Variants in SNX29 observed in about 807,000 individuals in gnomAD.
SNX29 encodes sorting nexin-29.
In SNX29, 78 loss-of-function variants were observed where a neutral mutation model predicts 102.1. The observed-to-expected ratio is 0.76, with a 90% CI of 0.64 to 0.92. The LOEUF is 0.92. Among genes scored for constraint, SNX29 ranks in the 40% least tolerant of loss-of-function variants. The pLI, the probability that SNX29 is intolerant of heterozygous loss-of-function variation, is 0.00. For synonymous variants in SNX29, 580 were observed against 414.5 expected, an observed-to-expected ratio of 1.40 and a Z score of -4.85; for missense variants, 1,280 against 1,061.7, an observed-to-expected ratio of 1.21 and a Z score of -2.86.
intron 20 of SNX29, among the ~76,000 whole-genome samples, chr16:12,533,958 C>G (rs956389325): frequency 6.6e-6 from 1 of 152,246 alleles, no homozygotes; most frequent in African/African-American, 2.4e-5. Flanking sequence ...CCTTTGTTTG[C>G]TTAAAACATC....
intron 13 of SNX29, among the ~76,000 whole-genome samples, chr16:12,159,560 A>T (rs2055695469): frequency 6.6e-6 from 1 of 152,142 alleles, no homozygotes; most frequent in Non-Finnish European, 1.5e-5. Context: ...CAAGTAGGAG[A>T]ATAGAAATCC....
intron 18 of SNX29, among the ~76,000 whole-genome samples, chr16:12,476,112 G>C (rs1367607128): frequency 6.6e-6 from 1 of 151,692 alleles, no homozygotes; most frequent in Non-Finnish European, 1.5e-5. Flanking sequence ...TCTGAGGCCA[G>C]GAGTTCAAGA....
rs781606426 is a variant in SNX29, at chr16:12,570,767, CATG to C, written c.*2141_*2143del. On this transcript the variant is annotated 3_prime_UTR_variant, in exon 21 of 21. Transcript: ENST00000566228. ...GAGGAAGCACCTTGGACATTCTGCA[CATG>C]ATAATAATGCAACAGTCCCCCATTG... is the stretch of plus-strand genomic sequence containing the variant. The C allele has an allele frequency of 6.5e-5, 12 of 184,570 alleles. No homozygotes were observed. Among genetic ancestry groups the C allele is most frequent in the African/African-American group, 2.5e-4 (7 of 27,788 alleles). 11.4% of individuals were successfully genotyped at this position (184,570 alleles called of 1,614,324 possible).
At chr16:12,257,943 A>G (rs1025519161) in intron 14 of SNX29, among the ~76,000 whole-genome samples, 4 of 152,110 alleles carry the variant, frequency 2.6e-5, no homozygotes, top group African/African-American at 9.7e-5. Context: ...GCCAGTTCCA[A>G]AATATACCCT....
chr16:12,506,227 C>G (rs886315525), intron 19 of SNX29, among the ~76,000 whole-genome samples: 1 of 152,192 alleles, frequency 6.6e-6, no homozygotes, highest in East Asian at 1.9e-4. Flanking sequence ...TCCCAAAGTG[C>G]TGGGATTACA....
chr16:12,311,539 C>T (rs1391525133), intron 15 of SNX29, among the ~76,000 whole-genome samples: 1 of 152,246 alleles, frequency 6.6e-6, no homozygotes, highest in African/African-American at 2.4e-5. Flanking sequence ...GCTTGCAGCT[C>T]CCTCTGCCTG....
At chr16:12,434,872 C>G (rs368854921) in intron 18 of SNX29, among the ~76,000 whole-genome samples, 3 of 150,360 alleles carry the variant, frequency 2.0e-5, no homozygotes, top group Admixed American at 6.7e-5. Context: ...TTGTAACAGA[C>G]GTTACAGACG....
chr16:12,423,463 C>CAA (rs1285691964), intron 18 of SNX29, among the ~76,000 whole-genome samples: 2 of 152,178 alleles, frequency 1.3e-5, no homozygotes, highest in East Asian at 3.9e-4. Context: ...GGGGCTCAGG[C>CAA]AAACCCTACG....
At chr16:12,104,339 T>C (rs1286456650) in intron 11 of SNX29, among the ~76,000 whole-genome samples, 1 of 152,170 alleles carries the variant, frequency 6.6e-6, no homozygotes, top group African/African-American at 2.4e-5. Context: ...GCAGATCACC[T>C]GAGGTCAGGA....
intron 3 of SNX29, among the ~76,000 whole-genome samples, chr16:12,021,526 T>C (rs2057020118): frequency 6.6e-6 from 1 of 152,180 alleles, no homozygotes; most frequent in South Asian, 2.1e-4. Flanking sequence ...GTTTTAATGA[T>C]TGCCATGCAA....
chr16:12,524,779 G>A lies in SNX29; in HGVS notation c.2256G>A (p.Met752Ile). The change falls in exon 20 of 21, where the codon ATG (methionine) becomes ATA (isoleucine). Residue 752 changes from methionine to isoleucine, a missense_variant. Coordinates refer to ENST00000566228, the MANE Select transcript of SNX29 (RefSeq NM_032167.5). The part of the protein sequence containing the change: ...LRSVMNKVIQ[M>I]VPEFAASPKK... ...GCGTCATGAACAAAGTCATCCAGAT[G>A]GTCCCCGAGTTCGCTGCCAGCCCCA... 1 of 1,613,784 alleles carries A rather than the reference G, an allele frequency of 6.2e-7. No individual in the cohort carries two copies. The highest frequency in any genetic ancestry group is 8.5e-7 in the Non-Finnish European group (1 of 1,179,852).
intron 16 of SNX29, among the ~76,000 whole-genome samples, chr16:12,380,093 C>T (rs1391030003): frequency 6.6e-6 from 1 of 150,966 alleles, no homozygotes; most frequent in Non-Finnish European, 1.5e-5. Flanking sequence ...ATTTCTTAAC[C>T]TTGCAGAATG....
chr16:12,358,072 C>A (rs913167198), intron 16 of SNX29, among the ~76,000 whole-genome samples: 27 of 152,132 alleles, frequency 1.8e-4, no homozygotes, highest in African/African-American at 6.5e-4. Flanking sequence ...CTTCCTGGGT[C>A]CATTACACAA....
At chr16:12,559,941 T>C (rs572942134) in intron 20 of SNX29, among the ~76,000 whole-genome samples, 77 of 152,264 alleles carry the variant, frequency 5.1e-4, no homozygotes, top group African/African-American at 1.6e-3. Flanking sequence ...ATTACATCAC[T>C]GCACTCCAGC....
chr16:12,339,798 G>T (rs1195387382), intron 15 of SNX29, among the ~76,000 whole-genome samples: 1 of 152,156 alleles, frequency 6.6e-6, no homozygotes, highest in Non-Finnish European at 1.5e-5. Context: ...ACTCTTATTG[G>T]CCTGACTTGA....
At chr16:12,476,146 C>T (rs2087582636) in intron 18 of SNX29, among the ~76,000 whole-genome samples, 1 of 150,892 alleles carries the variant, frequency 6.6e-6, no homozygotes, top group Non-Finnish European at 1.5e-5. Flanking sequence ...CATGGCAAAA[C>T]CTTGTCTCTA....
chr16:12,561,692 T>A (rs1216037400), intron 20 of SNX29, among the ~76,000 whole-genome samples: 1 of 152,108 alleles, frequency 6.6e-6, no homozygotes, highest in East Asian at 1.9e-4. Context: ...GACCCCCTTT[T>A]CCCCAACTCC....
intron 13 of SNX29, among the ~76,000 whole-genome samples, chr16:12,180,546 C>T (rs1180588562): frequency 4.0e-5 from 6 of 151,290 alleles, no homozygotes; most frequent in South Asian, 2.1e-4. Context: ...TGCAGTGGCG[C>T]GATCTCGGCT....
intron 14 of SNX29, among the ~76,000 whole-genome samples, chr16:12,211,241 G>C (rs1453144895): frequency 6.6e-6 from 1 of 152,176 alleles, no homozygotes; most frequent in Non-Finnish European, 1.5e-5. Context: ...TTTAGTGGGA[G>C]AGATGGACAC....
Sources: gnomAD v4.1 joint callset for allele counts (sites outside exome capture counted in the v4.1 genomes callset) on GRCh38, gnomAD v4.1.1 for gene constraint, MANE v1.5 for transcripts, NCBI Gene and HGNC (gene_info 2026-07-23, HGNC 2026-07-21) for gene names.